Variants in MMP20 observed in about 807,000 individuals in gnomAD.
The protein encoded by MMP20 is matrix metallopeptidase 20, also known as matrix metalloproteinase-20.
Under a neutral mutation model 51.8 loss-of-function variants are expected in MMP20, and 50 were observed. That is an observed-to-expected ratio of 0.97 (90% CI 0.77 to 1.22). MMP20 has a LOEUF of 1.22. Ranked by LOEUF, MMP20 falls within the 50% of genes most tolerant of loss-of-function variation. The probability of loss-of-function intolerance (pLI) is 0.00; values close to 1 mark genes in which losing one functional copy is unlikely to be tolerated. For missense variants in MMP20, 663 were observed against 601.4 expected (o/e 1.10, Z -1.07); for synonymous variants, 244 against 216.2 (o/e 1.13, Z -1.13).
rs753029823 is a variant in MMP20, at chr11:102,625,212, G to T, written c.108C>A (p.Asn36Lys). Reference sequence around the variant, plus strand: ...CACAAACCTGTGCGAGGCGGTAGTTGTTCCTCCAGGTCCTGGGGGAGGCTG... The same window carrying T: ...CACAAACCTGTGCGAGGCGGTAGTTTTTCCTCCAGGTCCTGGGGGAGGCTG... ...LVAASPRTWR[N>K]NYRLAQAYLD... The change falls in exon 1 of 10, where the codon AAC (asparagine) becomes AAA (lysine). Residue 36 changes from asparagine to lysine, a missense_variant. Physicochemically the swap from Asn to Lys is moderately conservative, Grantham distance 94. Transcript: ENST00000260228. 1.2e-6 allele frequency: 2 copies of T among 1,614,018 alleles called. No homozygotes were observed. The highest frequency in any genetic ancestry group is 1.1e-5 in the South Asian group (1 of 91,078).
intron 6 of MMP20, among the ~76,000 whole-genome samples, chr11:102,601,299 A>AT (rs1241376098): frequency 4.8e-5 from 4 of 83,360 alleles, no homozygotes; most frequent in African/African-American, 1.6e-4. Flanking sequence ...CGCCCGGCTA[A>AT]TTTTTTGTAT....
intron 6 of MMP20, among the ~76,000 whole-genome samples, chr11:102,598,871 T>C (rs975142412): frequency 6.6e-6 from 1 of 152,182 alleles, no homozygotes; most frequent in African/African-American, 2.4e-5. Context: ...GCCTTCACCC[T>C]TTATTTGCTG....
At chr11:102,584,093 G>T (rs1033448278) in intron 8 of MMP20, among the ~76,000 whole-genome samples, 7 of 152,074 alleles carry the variant, frequency 4.6e-5, no homozygotes, top group Non-Finnish European at 1.0e-4. Context: ...ATGAATATTT[G>T]TATACAGCTA....
intron 1 of MMP20, among the ~76,000 whole-genome samples, chr11:102,620,605 C>T (rs1859737560): frequency 1.3e-5 from 2 of 152,318 alleles, no homozygotes; most frequent in South Asian, 4.1e-4. Context: ...GGGTTCCATT[C>T]CTGCAGGCTA....
intron 7 of MMP20, among the ~76,000 whole-genome samples, chr11:102,594,157 G>A (rs1361896922): frequency 2.0e-5 from 3 of 152,232 alleles, no homozygotes; most frequent in Admixed American, 2.0e-4. Context: ...ATAGTAAAGG[G>A]CTAGAGCCAG....
At position 102,625,297 on chromosome 11, in the gene MMP20, C is replaced by T. The variant is rs775114552; in HGVS notation, c.23G>A (p.Gly8Asp). The change falls in exon 1 of 10, where the codon GGC becomes GAC. Residue 8 changes from glycine to aspartate, a missense_variant. Physicochemically the swap from Gly to Asp is moderately conservative, Grantham distance 94 (BLOSUM62 -1). Coordinates refer to ENST00000260228, the MANE Select transcript of MMP20 (RefSeq NM_004771.4). The part of the protein sequence containing the change: MKVLPAS[G>D]LAVFLIMALK... ...AGCCATGATGAGGAAGACAGCAAGGCCAGATGCAGGGAGCACCTTCATCCC... is the reference window on the plus strand; with the variant it reads ...AGCCATGATGAGGAAGACAGCAAGGTCAGATGCAGGGAGCACCTTCATCCC... 52 of 1,613,438 alleles carry T rather than the reference C, an allele frequency of 3.2e-5. No homozygotes were observed. The highest frequency in any genetic ancestry group is 4.3e-5 in the Non-Finnish European group (51 of 1,179,754).
intron 1 of MMP20, among the ~76,000 whole-genome samples, chr11:102,623,020 G>A (rs1310094887): frequency 6.6e-6 from 1 of 152,214 alleles, no homozygotes; most frequent in Non-Finnish European, 1.5e-5. Context: ...GCAAGCAAAG[G>A]TGCTGTGTGT....
intron 1 of MMP20, among the ~76,000 whole-genome samples, chr11:102,624,975 A>G (rs1226026947): frequency 6.6e-6 from 1 of 152,198 alleles, no homozygotes; most frequent in Non-Finnish European, 1.5e-5. Context: ...AGCTAGGTAG[A>G]TATATCCTCA....
intron 5 of MMP20, 120 bp from the exon 6 acceptor site, chr11:102,606,796 C>G: frequency 8.3e-7 from 1 of 1,198,660 alleles, no homozygotes; most frequent in African/African-American, 1.5e-5. Context: ...ATGATCATGG[C>G]TGTTGAGGGC....
intron 6 of MMP20, among the ~76,000 whole-genome samples, chr11:102,599,334 C>G (rs888113758): frequency 6.6e-6 from 1 of 152,104 alleles, no homozygotes; most frequent in Non-Finnish European, 1.5e-5. Flanking sequence ...CTTTTTGATT[C>G]TCTGTTTAAT....
intron 1 of MMP20, among the ~76,000 whole-genome samples, chr11:102,619,074 G>A (rs555597988): frequency 3.9e-5 from 6 of 152,222 alleles, no homozygotes; most frequent in African/African-American, 1.4e-4. Flanking sequence ...ACAAAGCTGC[G>A]ACTATTTGGT....
At chr11:102,606,042 CTTT>C (rs1859511128) in intron 6 of MMP20, among the ~76,000 whole-genome samples, 1 of 152,322 alleles carries the variant, frequency 6.6e-6, no homozygotes, top group East Asian at 1.9e-4. Flanking sequence ...TCCATCCATC[CTTT>C]TATCCAATCT....
intron 2 of MMP20, among the ~76,000 whole-genome samples, chr11:102,612,738 CT>C (rs35861660): frequency 5.7e-4 from 72 of 127,164 alleles, no homozygotes; most frequent in East Asian, 2.2e-3. Context: ...TCTTTTCTTT[CT>C]TTTTTTTTTT....
Position 102,593,498 on chromosome 11 carries a change from A to G in MMP20, c.1188T>C (p.Ala396=), listed in dbSNP as rs375759479. 1 of 1,614,232 alleles carries G rather than the reference A, an allele frequency of 6.2e-7. No individual in the cohort carries two copies. The highest frequency in any genetic ancestry group is 1.3e-5 in the African/African-American group (1 of 75,074). ...GFPRHVQQID[A]AVYLREPQKT... ...TCTGTGGCTCCCTGAGGTAGACAGC[A>G]GCATCTATTTGCTGCACGTGCCTTG... is the stretch of plus-strand genomic sequence containing the variant. The change falls in exon 8 of 10, where the codon GCT becomes GCC. Residue 396 remains alanine (A), a synonymous_variant. Transcript: ENST00000260228.
At chr11:102,581,495 G>A (rs1412981966) in intron 8 of MMP20, among the ~76,000 whole-genome samples, 1 of 152,148 alleles carries the variant, frequency 6.6e-6, no homozygotes, top group Non-Finnish European at 1.5e-5. Context: ...GGTGTGGTGA[G>A]GATTTTACTG....
intron 8 of MMP20, 23 bp downstream of exon 8, chr11:102,593,416 A>G (rs777541124): frequency 3.1e-6 from 5 of 1,606,220 alleles, no homozygotes; most frequent in Non-Finnish European, 4.3e-6. Context: ...AAAGATAGAT[A>G]GTAAAAAGGA....
chr11:102,606,647 T>A lies in MMP20; in HGVS notation c.841A>T (p.Thr281Ser). 1.2e-6 allele frequency: 2 copies of A among 1,613,862 alleles called. No homozygotes were observed. The highest frequency in any genetic ancestry group is 1.7e-6 in the Non-Finnish European group (2 of 1,179,872). ...TTGTGATGGGGGGCATGGGGCAGAGTGGGCTTCCCCAGGAATACTTTCCGA... is the reference window on the plus strand; with the variant it reads ...TTGTGATGGGGGGCATGGGGCAGAGAGGGCTTCCCCAGGAATACTTTCCGA... The part of the protein sequence containing the change: ...GPRKVFLGKP[T>S]LPHAPHHKPS... The change falls in exon 6 of 10, where the codon ACT (threonine) becomes TCT (serine). Residue 281 changes from threonine (T) to serine (S), a missense_variant. Transcript: ENST00000260228.
At chr11:102,584,625 T>G (rs1225625118) in intron 8 of MMP20, among the ~76,000 whole-genome samples, 1 of 152,208 alleles carries the variant, frequency 6.6e-6, no homozygotes, top group East Asian at 1.9e-4. Flanking sequence ...GTTTTTAATT[T>G]TGAGTAAATC....
At chr11:102,624,536 A>G (rs928497183) in intron 1 of MMP20, among the ~76,000 whole-genome samples, 1 of 151,920 alleles carries the variant, frequency 6.6e-6, no homozygotes, top group Non-Finnish European at 1.5e-5. Context: ...CATAGAGGAG[A>G]GATCTCAAAA....
Sources: gnomAD v4.1 joint callset for allele counts (sites outside exome capture counted in the v4.1 genomes callset) on GRCh38, gnomAD v4.1.1 for gene constraint, MANE v1.5 for transcripts, NCBI Gene and HGNC (gene_info 2026-07-23, HGNC 2026-07-21) for gene names.